Variants in FANCI observed in about 807,000 individuals in gnomAD.
FANCI encodes Fanconi anemia group I protein.
In FANCI, 156 loss-of-function variants were observed where a neutral mutation model predicts 176.1. The observed-to-expected ratio is 0.89, with a 90% confidence interval of 0.78 to 1.01. The LOEUF is 1.01. Ranked by LOEUF, FANCI falls within the 50% of genes least tolerant of loss-of-function variation. The pLI, the probability that FANCI is intolerant of heterozygous loss-of-function variation, is 0.00. For synonymous variants in FANCI, 613 were observed against 541.7 expected, an observed-to-expected ratio of 1.13 and a Z score of -1.83; for missense variants, 1,678 against 1,534.1, an observed-to-expected ratio of 1.09 and a Z score of -1.57.
chr15:89,316,669 GCACA>G lies in FANCI; in HGVS notation c.*211_*214del, dbSNP rs2055276125. 45 of 1,300,162 alleles carry G rather than the reference GCACA, an allele frequency of 3.5e-5. No homozygotes were observed. The highest frequency in any genetic ancestry group is 2.1e-4 in the Admixed American group (12 of 58,192). The allele number at this position is 1,300,162 out of a possible 1,614,324, so 80.5% of individuals were successfully genotyped here. ...CCTTAGGCAAGCCCTTTTGCAAAAA[GCACA>G]GCTGAAAGCCTGAGTTTGGGAGCCT... On this transcript the variant is annotated 3_prime_UTR_variant, in exon 38 of 38. Transcript: ENST00000310775.
At chr15:89,307,903 C>A in intron 34 of FANCI, 1 of 1,403,140 alleles carries the variant, frequency 7.1e-7, no homozygotes, top group Non-Finnish European at 9.3e-7. Context: ...TATATGTTTG[C>A]ATTTGGAGCA....
intron 18 of FANCI, among the ~76,000 whole-genome samples, chr15:89,288,732 C>A (rs2053929305): frequency 6.6e-6 from 1 of 151,728 alleles, no homozygotes; most frequent in Non-Finnish European, 1.5e-5. Flanking sequence ...AATCCTCTTG[C>A]CTCAGCCCCA....
chr15:89,271,472 C>T (rs1190287594), intron 10 of FANCI, among the ~76,000 whole-genome samples: 2 of 152,046 alleles, frequency 1.3e-5, no homozygotes, highest in Admixed American at 6.6e-5. Context: ...TGTGTTGTAG[C>T]GTATGTCAGT....
intron 27 of FANCI, among the ~76,000 whole-genome samples, chr15:89,301,673 G>A (rs939218872): frequency 6.6e-6 from 1 of 152,168 alleles, no homozygotes; most frequent in African/African-American, 2.4e-5. Flanking sequence ...TACTGCTTTT[G>A]TTTTGTTTGT....
Position 89,261,694 on chromosome 15 carries a change from T to A in FANCI, c.398T>A (p.Ile133Asn), listed in dbSNP as rs2052717680. The A allele has an allele frequency of 6.2e-7, 1 of 1,614,028 alleles. No homozygotes were observed. Among genetic ancestry groups the A allele is most frequent in the Non-Finnish European group, 8.5e-7 (1 of 1,180,034 alleles). Residue 133 changes from isoleucine to asparagine, a missense_variant, in exon 5 of 38, where the codon ATT (isoleucine) becomes AAT (asparagine). Ile to Asn is a moderately radical substitution (Grantham distance 149, BLOSUM62 -3). Transcript: ENST00000310775. ...NGKSLELLPIILTALATKKEN... is the reference protein window; with the variant it reads ...NGKSLELLPINLTALATKKEN... Reference sequence around the variant, plus strand: ...AAATCTTTGGAGTTACTACCTATCATTCTCACTGCCCTGGCTACGAAAAAG... The same window carrying A: ...AAATCTTTGGAGTTACTACCTATCAATCTCACTGCCCTGGCTACGAAAAAG...
chr15:89,259,652 A>G (rs1456762889), intron 3 of FANCI, among the ~76,000 whole-genome samples: 1 of 152,048 alleles, frequency 6.6e-6, no homozygotes, highest in East Asian at 1.9e-4. Flanking sequence ...ACCTCTCCAA[A>G]CCCCTAGTCC....
Position 89,258,725 on chromosome 15 carries a change from C to G in FANCI, c.106C>G (p.Gln36Glu). 6.2e-7 allele frequency: 1 copy of G among 1,613,574 alleles called. No individual in the cohort carries two copies. Among genetic ancestry groups the G allele is most frequent in the Non-Finnish European group, 8.5e-7 (1 of 1,179,570 alleles). Residue 36 changes from glutamine to glutamate, a missense_variant, in exon 3 of 38, where the codon CAA (glutamine) becomes GAA (glutamate). By Grantham distance (29) the Gln-to-Glu change is conservative (BLOSUM62 2). Coordinates refer to ENST00000310775, the MANE Select transcript of FANCI (RefSeq NM_001113378.2). ...GCAGTTGACTAATCTCCTTCAGAAT[C>G]AAGCAGTGAAAGGAAAAGTTGCTGG... Reference protein sequence around the residue: ...EGDLTNLLQNQAVKGKVAGAL... With the variant: ...EGDLTNLLQNEAVKGKVAGAL...
At chr15:89,247,538 G>A (rs1350040676) in intron 1 of FANCI, 91 bp from the exon 2 acceptor site, 5 of 877,734 alleles carry the variant, frequency 5.7e-6, no homozygotes, top group South Asian at 1.3e-5. Flanking sequence ...TGCATAATAG[G>A]TATGAAATAT....
chr15:89,304,464 T>G (rs2054637289), intron 28 of FANCI, among the ~76,000 whole-genome samples: 1 of 152,202 alleles, frequency 6.6e-6, no homozygotes. Flanking sequence ...TAGACAAAAT[T>G]TATCTGTGAT....
intron 2 of FANCI, among the ~76,000 whole-genome samples, chr15:89,256,010 A>G (rs2052478768): frequency 6.6e-6 from 1 of 152,210 alleles, no homozygotes; most frequent in Non-Finnish European, 1.5e-5. Flanking sequence ...GAGGTTTTAT[A>G]GCTAGTAAAT....
intron 35 of FANCI, among the ~76,000 whole-genome samples, chr15:89,313,926 C>CAAAT (rs1364757336): frequency 2.7e-5 from 4 of 146,524 alleles, no homozygotes; most frequent in Non-Finnish European, 6.0e-5. Context: ...CACACACACA[C>CAAAT]GTAGGACCTA....
chr15:89,297,992 C>T lies in FANCI; in HGVS notation c.2637-1808C>T, dbSNP rs143119325. On this transcript the variant is annotated intron_variant, in intron 24 of 37. Coordinates refer to ENST00000310775, the MANE Select transcript of FANCI (RefSeq NM_001113378.2). ...CATAATGGTTAAGTGATTCAAAATA[C>T]TTAAAGCAAAAACTGATGGAACTGA... 2.2e-3 allele frequency among the ~76,000 whole-genome samples: 333 copies of T among 151,962 alleles called. 3 individuals are homozygous for T. Among genetic ancestry groups the T allele is most frequent in the African/African-American group, 7.9e-3 (326 of 41,424 alleles).
intron 1 of FANCI, 48 bp from the exon 2 acceptor site, chr15:89,247,577 AGTTT>A (rs2052044796): frequency 1.6e-6 from 2 of 1,266,162 alleles, no homozygotes; most frequent in Non-Finnish European, 2.3e-6. Flanking sequence ...AAACAAATCA[AGTTT>A]GTTTATTTCT....
At chr15:89,275,657 G>A (rs940951414) in intron 12 of FANCI, among the ~76,000 whole-genome samples, 1 of 152,074 alleles carries the variant, frequency 6.6e-6, no homozygotes, top group African/African-American at 2.4e-5. Context: ...TTTTCCTGAG[G>A]TTTATACTTG....
intron 25 of FANCI, 85 bp downstream of exon 25, chr15:89,300,051 A>G: frequency 6.8e-7 from 1 of 1,464,478 alleles, no homozygotes; most frequent in Non-Finnish European, 9.6e-7. Flanking sequence ...ACCTACCAGA[A>G]GACACTTGAG....
chr15:89,265,071 T>A (rs920419246), intron 9 of FANCI, among the ~76,000 whole-genome samples: 2 of 152,378 alleles, frequency 1.3e-5, no homozygotes, highest in Admixed American at 6.5e-5. Flanking sequence ...CTCTCTCAGA[T>A]GTGCTATTTT....
Position 89,316,618 on chromosome 15 carries a change from A to C in FANCI, c.*159A>C. On this transcript the variant is annotated 3_prime_UTR_variant, in exon 38 of 38. Transcript: ENST00000310775. ...TTCAGTTAGAAGGAATCTTCTTGGC[A>C]GGTCCTGCTACTGAAAAATGGCTGG... is the stretch of plus-strand genomic sequence containing the variant. 1 of 1,102,506 alleles carries C rather than the reference A, an allele frequency of 9.1e-7. No homozygotes were observed. 68.3% of individuals were successfully genotyped at this position (1,102,506 alleles called of 1,614,324 possible).
At chr15:89,246,490 T>C (rs1567133658) in intron 1 of FANCI, among the ~76,000 whole-genome samples, 1 of 152,208 alleles carries the variant, frequency 6.6e-6, no homozygotes, top group South Asian at 2.1e-4. Flanking sequence ...AGCCTATCTT[T>C]CCAGACTTCC....
chr15:89,301,236 T>C, intron 26 of FANCI, 90 bp from the exon 27 acceptor site: 1 of 853,276 alleles, frequency 1.2e-6, no homozygotes, highest in Non-Finnish European at 2.1e-6. Flanking sequence ...CTTTCTGTCC[T>C]AGTCTTAGGA....
Sources: gnomAD v4.1 joint callset for allele counts (sites outside exome capture counted in the v4.1 genomes callset) on GRCh38, gnomAD v4.1.1 for gene constraint, MANE v1.5 for transcripts, NCBI Gene and HGNC (gene_info 2026-07-23, HGNC 2026-07-21) for gene names.